PPP2R3A: variants seen among roughly 807,000 people sequenced by gnomAD.
PPP2R3A encodes the protein protein phosphatase 2 regulatory subunit B''alpha.
PPP2R3A carries 80 observed loss-of-function variants against 106.9 expected under a neutral mutation model. That is an observed-to-expected ratio of 0.75 (90% CI 0.62 to 0.90). The LOEUF (loss-of-function observed/expected upper bound fraction) is 0.90, where lower values mean the gene tolerates loss of function less well. Ranked by LOEUF, PPP2R3A falls within the 40% of genes least tolerant of loss-of-function variation. The probability of loss-of-function intolerance (pLI) is 0.00; values close to 1 mark genes in which losing one functional copy is unlikely to be tolerated. For missense variants in PPP2R3A, 1,386 were observed against 1,350.4 expected, an observed-to-expected ratio of 1.03 and a Z score of -0.41; for synonymous variants, 483 against 468.3, an observed-to-expected ratio of 1.03 and a Z score of -0.41.
chr3:135,998,545 T>C (rs1426578995), intron 1 of PPP2R3A, among the ~76,000 whole-genome samples: 4 of 152,196 alleles, frequency 2.6e-5, no homozygotes, highest in Non-Finnish European at 4.4e-5. Context: ...CTCTTCTAGA[T>C]TGGCCCTATG....
chr3:136,133,182 A>G (rs1938488737), intron 13 of PPP2R3A, among the ~76,000 whole-genome samples: 2 of 152,278 alleles, frequency 1.3e-5, no homozygotes, highest in South Asian at 4.1e-4. Context: ...AAAATTAAAA[A>G]CGATTGCTCT....
chr3:136,067,228 T>C (rs1322058163), intron 5 of PPP2R3A, among the ~76,000 whole-genome samples: 1 of 152,088 alleles, frequency 6.6e-6, no homozygotes, highest in East Asian at 1.9e-4. Context: ...GGAAATAAAA[T>C]TAACAGAAAA....
chr3:136,133,956 G>C (rs1938515665), intron 13 of PPP2R3A, among the ~76,000 whole-genome samples: 2 of 150,614 alleles, frequency 1.3e-5, no homozygotes, highest in Non-Finnish European at 3.0e-5. Context: ...AAAATCTATG[G>C]TATGTAAATT....
At chr3:136,065,035 G>A (rs1431053846) in intron 5 of PPP2R3A, among the ~76,000 whole-genome samples, 1 of 152,094 alleles carries the variant, frequency 6.6e-6, no homozygotes, top group East Asian at 1.9e-4. Context: ...GAGAGAATAA[G>A]GATGGGTTGA....
Position 136,086,244 on chromosome 3 carries a change from G to T in PPP2R3A, c.2789-1639G>T, listed in dbSNP as rs1936925342. Among the ~76,000 whole-genome samples, 3 of 152,090 alleles carry T rather than the reference G, an allele frequency of 2.0e-5. No homozygotes were observed. The South Asian group carries it at 6.2e-4, about 32-fold the overall frequency. ...CACGCCTGTAATCCCAGCACTTTGG[G>T]AGGCCAAGGCAGGTGGATTACTAGG... is the stretch of plus-strand genomic sequence containing the variant. On this transcript the variant is annotated intron_variant, in intron 8 of 13. Coordinates refer to ENST00000264977, the MANE Select transcript of PPP2R3A (RefSeq NM_002718.5).
At chr3:136,041,158 TA>T (rs541255269) in intron 4 of PPP2R3A, among the ~76,000 whole-genome samples, 196 bp downstream of exon 4, 1 of 151,652 alleles carries the variant, frequency 6.6e-6, no homozygotes, top group Admixed American at 6.6e-5. Context: ...CTAACCTCTT[TA>T]AAAAACAGTA....
intron 10 of PPP2R3A, 87 bp downstream of exon 10, chr3:136,090,754 C>T: frequency 2.0e-6 from 2 of 1,022,312 alleles, no homozygotes; most frequent in Non-Finnish European, 3.0e-6. Context: ...CCTAGTGAGG[C>T]CAACTCAACG....
intron 13 of PPP2R3A, among the ~76,000 whole-genome samples, chr3:136,116,727 C>G (rs1458983652): frequency 6.6e-6 from 1 of 152,134 alleles, no homozygotes; most frequent in Non-Finnish European, 1.5e-5. Context: ...TACAGGAGCA[C>G]CCAGATTCAT....
At chr3:135,990,777 T>C (rs1178522406) in intron 1 of PPP2R3A, among the ~76,000 whole-genome samples, 2 of 152,074 alleles carry the variant, frequency 1.3e-5, no homozygotes, top group Non-Finnish European at 2.9e-5. Context: ...TCTGAGGCCT[T>C]CTACCTGGCC....
At chr3:135,981,017 G>A (rs907547200) in intron 1 of PPP2R3A, among the ~76,000 whole-genome samples, 45 of 151,856 alleles carry the variant, frequency 3.0e-4, no homozygotes, top group South Asian at 4.1e-4. Context: ...AAGGAGCAAG[G>A]CCTGGTTGAC....
chr3:136,023,201 G>A, intron 2 of PPP2R3A: 1 of 1,556,524 alleles, frequency 6.4e-7, no homozygotes, highest in Non-Finnish European at 8.7e-7. Flanking sequence ...AGCAGACACA[G>A]GTTTGAAATT....
Position 136,145,504 on chromosome 3 carries a change from C to T in PPP2R3A, c.*338C>T. ...GTGACTGAAGTTGCCTCTGTGTTGG[C>T]TGGCATCCCTGAGTCCCCTCCGGGC... On this transcript the variant is annotated 3_prime_UTR_variant, in exon 14 of 14. Coordinates refer to ENST00000264977, the MANE Select transcript of PPP2R3A (RefSeq NM_002718.5). The T allele has an allele frequency of 6.4e-6, 1 of 156,582 alleles. No homozygotes were observed. Among genetic ancestry groups the T allele is most frequent in the Non-Finnish European group, 1.4e-5 (1 of 70,794 alleles). The allele number at this position is 156,582 out of a possible 1,614,324, so 9.7% of individuals were successfully genotyped here.
intron 5 of PPP2R3A, among the ~76,000 whole-genome samples, chr3:136,066,941 C>G (rs1056782602): frequency 6.6e-6 from 1 of 152,128 alleles, no homozygotes; most frequent in Non-Finnish European, 1.5e-5. Flanking sequence ...TAGATACTTT[C>G]TTAACATGAT....
At chr3:135,979,020 A>C (rs572727022) in intron 1 of PPP2R3A, among the ~76,000 whole-genome samples, 1 of 151,838 alleles carries the variant, frequency 6.6e-6, no homozygotes, top group African/African-American at 2.4e-5. Context: ...TTGCTTTATC[A>C]TATGTCATAA....
At chr3:136,070,657 A>C in intron 6 of PPP2R3A, 105 bp downstream of exon 6, 1 of 803,488 alleles carries the variant, frequency 1.2e-6, no homozygotes, top group East Asian at 3.1e-5. Flanking sequence ...AACATGGGTT[A>C]TAATGATTAT....
In PPP2R3A at chr3:136,001,882, C is replaced by T. The variant is rs776304775; in HGVS notation, c.384C>T (p.Ser128=). 2 of 1,614,080 alleles carry T rather than the reference C, an allele frequency of 1.2e-6. No homozygotes were observed. The highest frequency in any genetic ancestry group is 2.2e-5 in the South Asian group (2 of 91,084). Residue 128 remains serine (S), a synonymous_variant, in exon 2 of 14, where the codon TCC becomes TCT. Coordinates refer to ENST00000264977, the MANE Select transcript of PPP2R3A (RefSeq NM_002718.5). ...CCAGTGGGAAAATAAAAGAATTTTC[C>T]TTTGAAAAACTCAAAAACTCTAACC... is the stretch of plus-strand genomic sequence containing the variant. The part of the protein sequence containing the change: ...SFASGKIKEF[S]FEKLKNSNHA...
At position 136,001,100 on chromosome 3, in the gene PPP2R3A, T is replaced by C. The variant is rs1399533647; in HGVS notation, c.-399T>C. On this transcript the variant is annotated 5_prime_UTR_variant, in exon 2 of 14. Coordinates refer to ENST00000264977, the MANE Select transcript of PPP2R3A (RefSeq NM_002718.5). ...CAGAAAAATGAATCATTTAAACCTT[T>C]GGAGGACTCAGTTATCACAATACTT... 2.5e-6 allele frequency: 1 copy of C among 398,536 alleles called. No homozygotes were observed. The highest frequency in any genetic ancestry group is 4.4e-6 in the Non-Finnish European group (1 of 226,244). The allele number at this position is 398,536 out of a possible 1,614,324, so 24.7% of individuals were successfully genotyped here. A position where few individuals can be genotyped will look rare whatever the true frequency, so the allele number is the denominator to read the frequency against.
At chr3:136,079,200 T>C (rs1576485937) in intron 7 of PPP2R3A, 4 of 455,122 alleles carry the variant, frequency 8.8e-6, no homozygotes, top group Admixed American at 2.4e-5. Context: ...ATACAAACAT[T>C]TTTTTATTCT....
intron 7 of PPP2R3A, chr3:136,079,406 A>T (rs936879227): frequency 8.5e-4 from 133 of 156,968 alleles, no homozygotes; most frequent in South Asian, 2.7e-3. Context: ...ATAATCCATA[A>T]TTTTTTTTTT....
Sources: allele counts gnomAD v4.1 joint callset (sites outside exome capture counted in the v4.1 genomes callset), GRCh38; gene constraint gnomAD v4.1.1; transcripts MANE v1.5; gene names NCBI Gene and HGNC (gene_info 2026-07-23, HGNC 2026-07-21).